Variants in ATM observed in about 807,000 individuals in gnomAD.
The protein encoded by ATM is serine-protein kinase ATM.
In ATM, 308 loss-of-function variants were observed where a neutral mutation model predicts 387.0. That is an observed-to-expected ratio of 0.80 (90% CI 0.73 to 0.87). The LOEUF (loss-of-function observed/expected upper bound fraction) is 0.87, where lower values mean the gene tolerates loss of function less well. Among genes scored for constraint, ATM ranks in the 40% least tolerant of loss-of-function variants. The pLI, the probability that ATM is intolerant of heterozygous loss-of-function variation, is 0.00. For synonymous variants in ATM, 1,156 were observed against 1,187.3 expected (o/e 0.97, Z 0.54); for missense variants, 3,312 against 3,560.9 (o/e 0.93, Z 1.78).
intron 4 of ATM, chr11:108,230,898 C>T (rs2078977463): frequency 6.6e-6 from 1 of 152,292 alleles, no homozygotes; most frequent in East Asian, 1.9e-4. Flanking sequence ...GACAGGGTTT[C>T]ACTGTGTTGG....
intron 59 of ATM, among the ~76,000 whole-genome samples, chr11:108,349,402 C>T (rs917666753): frequency 6.6e-6 from 1 of 152,198 alleles, no homozygotes; most frequent in Non-Finnish European, 1.5e-5. Flanking sequence ...CGGTGGATCA[C>T]ACCTGTAATC....
chr11:108,310,406 C>T (rs1341510202), intron 39 of ATM, 91 bp downstream of exon 39: 2 of 1,201,418 alleles, frequency 1.7e-6, no homozygotes, highest in Non-Finnish European at 2.3e-6. Context: ...GCCTCCTGTT[C>T]CCCATTTAAA....
chr11:108,276,325 A>G (rs1235888638), intron 22 of ATM, among the ~76,000 whole-genome samples: 1 of 152,004 alleles, frequency 6.6e-6, no homozygotes, highest in African/African-American at 2.4e-5. Flanking sequence ...AGCTCAGAGG[A>G]GTTTGTTATT....
intron 61 of ATM, among the ~76,000 whole-genome samples, chr11:108,359,673 A>T (rs538720046): frequency 1.3e-5 from 2 of 152,196 alleles, no homozygotes; most frequent in Admixed American, 6.5e-5. Flanking sequence ...CATGGAAACC[A>T]AACAACCTGC....
At chr11:108,355,761 CCTA>C (rs753671595) in intron 61 of ATM, 5 of 152,184 alleles carry the variant, frequency 3.3e-5, no homozygotes, top group African/African-American at 4.8e-5. Flanking sequence ...AAAAATCTCT[CCTA>C]CTGTTCAACT....
intron 26 of ATM, among the ~76,000 whole-genome samples, chr11:108,286,427 T>C (rs1033269790): frequency 1.5e-5 from 2 of 135,836 alleles, no homozygotes; most frequent in East Asian, 4.3e-4. Context: ...CTCCACAGAG[T>C]GGGAGTGGGC....
chr11:108,344,269 G>T (rs1023668825), intron 57 of ATM, among the ~76,000 whole-genome samples: 15 of 152,160 alleles, frequency 9.9e-5, no homozygotes, highest in African/African-American at 3.6e-4. Flanking sequence ...GACAGAAGTA[G>T]ATCCAAGAAA....
At position 108,287,871 on chromosome 11, in the gene ATM, C is replaced by G. The variant is rs2082577571; in HGVS notation, c.4109+156C>G. Among the ~76,000 whole-genome samples, 2 of 152,116 alleles carry G rather than the reference C, an allele frequency of 1.3e-5. 1 individual carries two copies. The highest frequency in any genetic ancestry group is 4.1e-4 in the South Asian group (2 of 4,824). Reference sequence around the variant, plus strand: ...AGCCACCTTTGAATTGAGGTAATTACCTATCCTCTTTTACCATAGTCTCCC... The same window carrying G: ...AGCCACCTTTGAATTGAGGTAATTAGCTATCCTCTTTTACCATAGTCTCCC... On this transcript the variant is annotated intron_variant, in intron 27 of 62. Coordinates refer to ENST00000675843, the MANE Select transcript of ATM (RefSeq NM_000051.4).
chr11:108,290,953 C>T (rs969906609), intron 29 of ATM, among the ~76,000 whole-genome samples: 1 of 151,826 alleles, frequency 6.6e-6, no homozygotes, highest in Non-Finnish European at 1.5e-5. Flanking sequence ...TGGGGTTGTT[C>T]GGCCGGGTGT....
chr11:108,347,595 G>C (rs1314081152), intron 59 of ATM, among the ~76,000 whole-genome samples: 1 of 152,078 alleles, frequency 6.6e-6, no homozygotes, highest in Non-Finnish European at 1.5e-5. Context: ...TGGTCTTCAA[G>C]AAAGAAAGAA....
chr11:108,344,224 G>A (rs1003930798), intron 57 of ATM, among the ~76,000 whole-genome samples: 1 of 152,182 alleles, frequency 6.6e-6, no homozygotes, highest in African/African-American at 2.4e-5. Context: ...GTATGGAGGA[G>A]GAAGTGCTTA....
At position 108,299,707 on chromosome 11, in the gene ATM, T is replaced by C; in HGVS notation, c.5006-7T>C. The C allele has an allele frequency of 6.2e-7, 1 of 1,613,242 alleles. No individual in the cohort carries two copies. Among genetic ancestry groups the C allele is most frequent in the South Asian group, 1.1e-5 (1 of 91,056 alleles). ...TGACTCTACTGAAATAGAATTTCTA[T>C]ATGTAGAGGCTGTTGGAAGCTGCTT... is the stretch of plus-strand genomic sequence containing the variant. On this transcript the variant is annotated splice_polypyrimidine_tract_variant and splice_region_variant and intron_variant, in intron 33 of 62. Transcript: ENST00000675843.
At chr11:108,240,620 C>T (rs565275011) in intron 5 of ATM, among the ~76,000 whole-genome samples, 2 of 152,186 alleles carry the variant, frequency 1.3e-5, no homozygotes, top group East Asian at 3.9e-4. Context: ...GTATTTGTGT[C>T]TCTAAACATA....
At chr11:108,334,084 A>G (rs866428372) in intron 54 of ATM, 116 bp downstream of exon 54, 3 of 782,564 alleles carry the variant, frequency 3.8e-6, no homozygotes, top group Admixed American at 4.1e-5. Context: ...CAAATTTCAT[A>G]TGTTTCAACC....
intron 24 of ATM, 63 bp from the exon 25 acceptor site, chr11:108,282,647 C>T (rs2135684467): frequency 6.8e-7 from 1 of 1,471,824 alleles, no homozygotes; most frequent in South Asian, 1.2e-5. Flanking sequence ...ATAATATTAA[C>T]AAGCATTTAA....
In ATM at chr11:108,277,204, A is replaced by G. The variant is rs111309399; in HGVS notation, c.3285-2287A>G. On this transcript the variant is annotated intron_variant, in intron 22 of 62. Transcript: ENST00000675843. ...CCTACTGAAGCCTCAGTAATTGCAG[A>G]CGCCCCTCCCCCCACCAAGCTTCAG... 8.9e-3 allele frequency among the ~76,000 whole-genome samples: 1,350 copies of G among 152,024 alleles called. 13 individuals are homozygous for G. The highest frequency in any genetic ancestry group is 0.03 in the African/African-American group (1,246 of 41,490).
intron 7 of ATM, among the ~76,000 whole-genome samples, 168 bp downstream of exon 7, chr11:108,245,194 G>C (rs1426069011): frequency 6.6e-6 from 1 of 152,116 alleles, no homozygotes; most frequent in Non-Finnish European, 1.5e-5. Context: ...AGAATTTGAA[G>C]CAGTGGTAGC....
Position 108,235,716 on chromosome 11 carries a change from T to A in ATM, c.378T>A (p.Asp126Glu), listed in dbSNP as rs2234997. 18,395 of 1,612,140 alleles carry A rather than the reference T, an allele frequency of 0.011. 1,546 individuals carry two copies. The African/African-American group carries it at 0.2, about 17-fold the overall frequency. The change falls in exon 5 of 63, where the codon GAT becomes GAA. Residue 126 changes from aspartate (D) to glutamate (E), a missense_variant. By Grantham distance (45) the Asp-to-Glu change is conservative. Coordinates refer to ENST00000675843, the MANE Select transcript of ATM (RefSeq NM_000051.4). ...KCQELLNYIMDTVKDSSNGAI... is the reference protein window; with the variant it reads ...KCQELLNYIMETVKDSSNGAI... ...AAGAACTCTTAAATTATATCATGGA[T>A]ACAGTGAAAGATTCATCTAATGGTG...
At chr11:108,357,734 C>T (rs1341598767) in intron 61 of ATM, among the ~76,000 whole-genome samples, 1 of 152,152 alleles carries the variant, frequency 6.6e-6, no homozygotes. Flanking sequence ...AGCTGAGGGT[C>T]TTGTCTGTTA....
Sources: gnomAD v4.1 joint callset for allele counts (sites outside exome capture counted in the v4.1 genomes callset) on GRCh38, gnomAD v4.1.1 for gene constraint, MANE v1.5 for transcripts, NCBI Gene and HGNC (gene_info 2026-07-23, HGNC 2026-07-21) for gene names.